The following ZYG11A variants were observed in gnomAD, a reference collection of about 807,000 sequenced individuals.
ZYG11A encodes protein zyg-11 homolog A.
Under a neutral mutation model 77.2 loss-of-function variants are expected in ZYG11A, and 62 were observed. The ratio of observed to expected loss-of-function variants is 0.80; its 90% confidence interval spans 0.65 to 0.99. ZYG11A has a LOEUF of 0.99. Among genes scored for constraint, ZYG11A ranks in the 50% least tolerant of loss-of-function variants. The probability of loss-of-function intolerance (pLI) is 0.00; values close to 1 mark genes in which losing one functional copy is unlikely to be tolerated. For synonymous variants in ZYG11A, 315 were observed against 324.6 expected (o/e 0.97, Z 0.32); for missense variants, 828 against 896.8 (o/e 0.92, Z 0.98).
intron 2 of ZYG11A, among the ~76,000 whole-genome samples, chr1:52,855,349 G>A (rs2149993005): frequency 6.6e-6 from 1 of 151,306 alleles, no homozygotes; most frequent in South Asian, 2.1e-4. Context: ...CACCATGTCC[G>A]GTCATAATTT....
chr1:52,883,560 T>G (rs960725350), intron 11 of ZYG11A, among the ~76,000 whole-genome samples: 1 of 151,816 alleles, frequency 6.6e-6, no homozygotes. Context: ...CCCAAGTCGC[T>G]GGACTACAGC....
rs368492641 is a variant in ZYG11A, at chr1:52,872,928, ATATTT to A, written c.1543-4750_1543-4746del. On this transcript the variant is annotated intron_variant, in intron 8 of 13. Coordinates refer to ENST00000371528, the MANE Select transcript of ZYG11A (RefSeq NM_001004339.3). Reference sequence around the variant, plus strand: ...AAGAAAAGAAAGAAAGAAAAAAGAAATATTTTATAAGGCTAGAGCTGCCATAGGTA... The same window carrying A: ...AAGAAAAGAAAGAAAGAAAAAAGAAATATAAGGCTAGAGCTGCCATAGGTA... Among the ~76,000 whole-genome samples the A allele has an allele frequency of 5.0e-3, 755 of 151,802 alleles. 8 individuals carry two copies. The highest frequency in any genetic ancestry group is 0.018 in the African/African-American group (731 of 41,368).
chr1:52,877,815 G>T lies in ZYG11A; in HGVS notation c.1676G>T (p.Gly559Val), dbSNP rs1363013821. The change falls in exon 9 of 14, where the codon GGA becomes GTA. Residue 559 changes from glycine (G) to valine (V), a missense_variant. Gly to Val is a moderately radical substitution (Grantham distance 109). Coordinates refer to ENST00000371528, the MANE Select transcript of ZYG11A (RefSeq NM_001004339.3). ...AACKHFIENQ[G>V]LQIFIQVLET... Reference sequence around the variant, plus strand: ...TGCAAGCACTTCATTGAAAATCAAGGATTGCAAATCTTCATCCAAGTCTTG... The same window carrying T: ...TGCAAGCACTTCATTGAAAATCAAGTATTGCAAATCTTCATCCAAGTCTTG... 5 of 1,551,498 alleles carry T rather than the reference G, an allele frequency of 3.2e-6. No individual in the cohort carries two copies. In the South Asian group the frequency reaches 6.0e-5, roughly 18 times the overall value.
chr1:52,853,850 C>T (rs562816090), intron 1 of ZYG11A, among the ~76,000 whole-genome samples: 2 of 152,220 alleles, frequency 1.3e-5, no homozygotes, highest in Admixed American at 6.5e-5. Context: ...AAGTTGCATT[C>T]GGCTGTGATT....
In ZYG11A at chr1:52,893,647, T is replaced by G. The variant is rs1191673887; in HGVS notation, c.*690T>G. On this transcript the variant is annotated 3_prime_UTR_variant, in exon 14 of 14. Coordinates refer to ENST00000371528, the MANE Select transcript of ZYG11A (RefSeq NM_001004339.3). ...TGAGCGTGGTGGTGTGCACCTTTAC[T>G]CCTAGCTACTTGGAGGCTGAGGTGG... 1.3e-5 allele frequency: 2 copies of G among 151,862 alleles called. No homozygotes were observed. Among genetic ancestry groups the G allele is most frequent in the African/African-American group, 4.8e-5 (2 of 41,338 alleles). The allele number at this position is 151,862 out of a possible 1,614,324, so 9.4% of individuals were successfully genotyped here. A position where few individuals can be genotyped will look rare whatever the true frequency, so the allele number is the denominator to read the frequency against.
chr1:52,893,132 T>A lies in ZYG11A; in HGVS notation c.*175T>A. ...TTTGTATGATAGCTGTAATCCCAAG[T>A]CAAGTTGGACTCATTCTGCAGCCTT... On this transcript the variant is annotated 3_prime_UTR_variant, in exon 14 of 14. Transcript: ENST00000371528. The A allele has an allele frequency of 1.6e-6, 1 of 612,994 alleles. No homozygotes were observed. The highest frequency in any genetic ancestry group is 1.8e-5 in the African/African-American group (1 of 54,168). The allele number at this position is 612,994 out of a possible 1,614,324, so 38.0% of individuals were successfully genotyped here. A position where few individuals can be genotyped will look rare whatever the true frequency, so the allele number is the denominator to read the frequency against.
chr1:52,889,439 T>A (rs1162015151), intron 13 of ZYG11A, among the ~76,000 whole-genome samples: 1 of 145,800 alleles, frequency 6.9e-6, no homozygotes, highest in African/African-American at 2.5e-5. Flanking sequence ...TCTTTTAAAT[T>A]AAAAAAAAAA....
At chr1:52,873,139 G>A (rs1404631058) in intron 8 of ZYG11A, among the ~76,000 whole-genome samples, 1 of 151,866 alleles carries the variant, frequency 6.6e-6, no homozygotes. Context: ...GGGCAACGTG[G>A]CGAAATCCTG....
intron 1 of ZYG11A, among the ~76,000 whole-genome samples, chr1:52,845,859 G>A (rs1645565468): frequency 6.6e-6 from 1 of 151,570 alleles, no homozygotes. Context: ...ATTTTTTGTA[G>A]AGGCTGAGTC....
chr1:52,883,259 G>T (rs938990428), intron 11 of ZYG11A, among the ~76,000 whole-genome samples: 1 of 149,150 alleles, frequency 6.7e-6, no homozygotes, highest in Non-Finnish European at 1.5e-5. Flanking sequence ...TGGGATTACA[G>T]GTGTGGTAAT....
chr1:52,889,535 AGC>A (rs1646505470), intron 13 of ZYG11A, among the ~76,000 whole-genome samples: 2 of 151,846 alleles, frequency 1.3e-5, no homozygotes, highest in Admixed American at 1.3e-4. Flanking sequence ...CTCTTGCATC[AGC>A]CTCCCAAAGT....
At position 52,886,699 on chromosome 1, in the gene ZYG11A, ATTTTTTTTTTTTTT is replaced by A. The variant is rs386366962; in HGVS notation, c.2007-242_2007-229del. On this transcript the variant is annotated intron_variant, in intron 12 of 13. Transcript: ENST00000371528. ...AGGCGTGTGCCACCAGGCCCAGCTA[ATTTTTTTTTTTTTT>A]TTTTTTTTTTTTTTGTAGAGACGGG... 1.0e-4 allele frequency among the ~76,000 whole-genome samples: 7 copies of A among 69,104 alleles called. 1 individual carries two copies. Among genetic ancestry groups the A allele is most frequent in the Admixed American group, 3.6e-4 (2 of 5,556 alleles). 45.3% of individuals were successfully genotyped at this position (69,104 alleles called of 152,430 possible). A position where few individuals can be genotyped will look rare whatever the true frequency, so the allele number is the denominator to read the frequency against.
At chr1:52,855,869 A>G (rs1645800426) in intron 2 of ZYG11A, among the ~76,000 whole-genome samples, 1 of 152,226 alleles carries the variant, frequency 6.6e-6, no homozygotes, top group African/African-American at 2.4e-5. Flanking sequence ...TACCATAAAG[A>G]TATGTGTACA....
chr1:52,855,407 C>G (rs1181071448), intron 2 of ZYG11A, among the ~76,000 whole-genome samples: 2 of 152,050 alleles, frequency 1.3e-5, no homozygotes. Context: ...CCAGGCTGGT[C>G]TCAAACTCTT....
At position 52,886,042 on chromosome 1, in the gene ZYG11A, C is replaced by T; in HGVS notation, c.2006+148C>T. 7.3e-6 allele frequency: 4 copies of T among 551,186 alleles called. No homozygotes were observed. The South Asian group carries it at 1.1e-4, about 15-fold the overall frequency. 34.1% of individuals were successfully genotyped at this position (551,186 alleles called of 1,614,324 possible). On this transcript the variant is annotated intron_variant, in intron 12 of 13. Transcript: ENST00000371528. Reference sequence around the variant, plus strand: ...CCACCTCCCGGGTTCACGCCATTCTCCTGCCTCAGCCTCCCGAGTAGCTGG... The same window carrying T: ...CCACCTCCCGGGTTCACGCCATTCTTCTGCCTCAGCCTCCCGAGTAGCTGG...
At chr1:52,861,694 C>G (rs1157960327) in intron 4 of ZYG11A, among the ~76,000 whole-genome samples, 2 of 112,512 alleles carry the variant, frequency 1.8e-5, no homozygotes, top group Non-Finnish European at 4.5e-5. Flanking sequence ...CAGAGCGAGA[C>G]TCAAAAAAAA....
intron 1 of ZYG11A, among the ~76,000 whole-genome samples, chr1:52,849,201 T>TTGGTGCCAGC (rs1645656779): frequency 6.6e-6 from 1 of 151,552 alleles, no homozygotes; most frequent in African/African-American, 2.4e-5. Context: ...GTAGCTGGGA[T>TTGGTGCCAGC]TGGGATTACA....
chr1:52,843,041 G>C, intron 1 of ZYG11A, 68 bp downstream of exon 1: 1 of 1,393,414 alleles, frequency 7.2e-7, no homozygotes, highest in Non-Finnish European at 9.6e-7. Context: ...AGCGCGGCGA[G>C]TCTCCTGGGA....
At chr1:52,884,428 G>C (rs1436201237) in intron 11 of ZYG11A, among the ~76,000 whole-genome samples, 10 of 150,792 alleles carry the variant, frequency 6.6e-5, no homozygotes, top group African/African-American at 2.4e-4. Flanking sequence ...CCTGGGAGGT[G>C]GAGCTTGCAG....
Sources: gnomAD v4.1 joint callset for allele counts (sites outside exome capture counted in the v4.1 genomes callset) on GRCh38, gnomAD v4.1.1 for gene constraint, MANE v1.5 for transcripts, NCBI Gene and HGNC (gene_info 2026-07-23, HGNC 2026-07-21) for gene names.